Variants in CEP97 observed in about 807,000 individuals in gnomAD.
CEP97 encodes centrosomal protein 97, also known as centrosomal protein of 97 kDa.
CEP97 carries 43 observed loss-of-function variants against 73.1 expected under a neutral mutation model. That is an observed-to-expected ratio of 0.59 (90% CI 0.46 to 0.76). CEP97 has a LOEUF of 0.76. Among genes scored for constraint, CEP97 ranks in the 30% least tolerant of loss-of-function variants. The pLI is 0.00. For missense variants in CEP97, 939 were observed against 1,014.0 expected, an observed-to-expected ratio of 0.93 and a Z score of 1.00; for synonymous variants, 337 against 370.0, an observed-to-expected ratio of 0.91 and a Z score of 1.02.
chr3:101,747,663 TCTC>T (rs1938665824), intron 6 of CEP97, among the ~76,000 whole-genome samples: 1 of 151,700 alleles, frequency 6.6e-6, no homozygotes, highest in South Asian at 2.1e-4. Context: ...TTCAAGCAAT[TCTC>T]CTGCCTCTGC....
chr3:101,739,792 G>A (rs1938388675), intron 6 of CEP97, among the ~76,000 whole-genome samples: 1 of 151,874 alleles, frequency 6.6e-6, no homozygotes, highest in African/African-American at 2.4e-5. Context: ...TGTAATCCCA[G>A]TTACTCAGGA....
chr3:101,747,387 G>A (rs1390262369), intron 6 of CEP97, among the ~76,000 whole-genome samples: 1 of 150,746 alleles, frequency 6.6e-6, no homozygotes, highest in Non-Finnish European at 1.5e-5. Flanking sequence ...AGCCTCCCGA[G>A]TAGCTGGGAC....
intron 6 of CEP97, among the ~76,000 whole-genome samples, chr3:101,748,369 A>C (rs555845243): frequency 8.0e-4 from 121 of 152,136 alleles, no homozygotes; most frequent in African/African-American, 2.8e-3. Context: ...TTTTCACAAA[A>C]ACTTAAACTG....
intron 6 of CEP97, among the ~76,000 whole-genome samples, chr3:101,737,546 A>G (rs1453435308): frequency 4.6e-5 from 7 of 152,216 alleles, no homozygotes; most frequent in Non-Finnish European, 5.9e-5. Context: ...CAACATTCTT[A>G]AAGAGAAGAA....
chr3:101,739,072 G>A lies in CEP97; in HGVS notation c.728+6418G>A, dbSNP rs143676488. On this transcript the variant is annotated intron_variant, in intron 6 of 10. Coordinates refer to ENST00000341893, the MANE Select transcript of CEP97 (RefSeq NM_024548.4). The stretch of plus-strand genomic sequence containing the variant: ...ACACAAATAAACTAGAAATCTAGAA[G>A]AAATCAATACATTTCTGGACACATA... 2.8e-3 allele frequency among the ~76,000 whole-genome samples: 424 copies of A among 152,252 alleles called. 5 individuals are homozygous for A. Among genetic ancestry groups the A allele is most frequent in the Non-Finnish European group, 2.3e-3 (155 of 68,008 alleles).
chr3:101,743,120 C>T (rs1365487247), intron 6 of CEP97, among the ~76,000 whole-genome samples: 2 of 151,306 alleles, frequency 1.3e-5, no homozygotes, highest in Admixed American at 6.6e-5. Context: ...GTGGTGTGTG[C>T]CTGTAGTCCC....
rs1035526354 is a variant in CEP97 at position 101,758,315 on chromosome 3, G to A, written c.1709G>A (p.Arg570Gln). 9.9e-6 allele frequency: 16 copies of A among 1,614,198 alleles called. No individual in the cohort carries two copies. The highest frequency in any genetic ancestry group is 3.3e-5 in the Admixed American group (2 of 60,026). The change falls in exon 9 of 11, where the codon CGG (arginine) becomes CAG (glutamine). Residue 570 changes from arginine (R) to glutamine (Q), a missense_variant. By Grantham distance (43) the Arg-to-Gln change is conservative. Coordinates refer to ENST00000341893, the MANE Select transcript of CEP97 (RefSeq NM_024548.4). ...GCCACCAAGCTTCAGGCCTGTTGGC[G>A]GGGATTTTATGCCAGGAACTACAAC... ...DAATKLQACW[R>Q]GFYARNYNPQ...
Position 101,768,050 on chromosome 3 carries a change from A to C in CEP97, c.*2499A>C, listed in dbSNP as rs1391197343. On this transcript the variant is annotated 3_prime_UTR_variant, in exon 11 of 11. Transcript: ENST00000341893. ...ATGGTCTTTGTGTTTTTTTCCTAAC[A>C]AGGAAAGGTTTAGTTCAGCTGTGCT... 1 of 152,198 alleles carries C rather than the reference A, an allele frequency of 6.6e-6. No homozygotes were observed. The highest frequency in any genetic ancestry group is 1.5e-5 in the Non-Finnish European group (1 of 68,022). 9.4% of individuals were successfully genotyped at this position (152,198 alleles called of 1,614,324 possible).
At chr3:101,750,984 A>G (rs1397586588) in intron 6 of CEP97, among the ~76,000 whole-genome samples, 1 of 151,972 alleles carries the variant, frequency 6.6e-6, no homozygotes, top group Middle Eastern at 3.4e-3. Flanking sequence ...TTGCTTTTCT[A>G]GTTCTTTTAA....
rs543071884 is a variant in CEP97 at position 101,765,169 on chromosome 3, C to A, written c.2216C>A (p.Thr739Lys). Residue 739 changes from threonine (T) to lysine (K), a missense_variant, in exon 11 of 11, where the codon ACA (threonine) becomes AAA (lysine). Transcript: ENST00000341893. Reference sequence around the variant, plus strand: ...TCCATAATGGGGAATTCCATTGACACAGTCAGATATGGCAAAGAATCAGAT... The same window carrying A: ...TCCATAATGGGGAATTCCATTGACAAAGTCAGATATGGCAAAGAATCAGAT... ...ESSIMGNSID[T>K]VRYGKESDLG... The A allele has an allele frequency of 6.8e-6, 11 of 1,614,188 alleles. No homozygotes were observed. The African/African-American group carries it at 1.2e-4, about 18-fold the overall frequency.
intron 6 of CEP97, among the ~76,000 whole-genome samples, chr3:101,753,879 G>A (rs1327533486): frequency 6.6e-6 from 1 of 152,122 alleles, no homozygotes; most frequent in Non-Finnish European, 1.5e-5. Flanking sequence ...GCCTCGCCCT[G>A]CTTCGGCTTG....
At chr3:101,736,288 G>A (rs1054047099) in intron 6 of CEP97, among the ~76,000 whole-genome samples, 1 of 152,214 alleles carries the variant, frequency 6.6e-6, no homozygotes, top group Admixed American at 6.5e-5. Flanking sequence ...AGGCTTAAAT[G>A]TTCCTGCCTC....
chr3:101,742,687 A>G (rs1452958933), intron 6 of CEP97, among the ~76,000 whole-genome samples: 1 of 151,976 alleles, frequency 6.6e-6, no homozygotes, highest in Non-Finnish European at 1.5e-5. Context: ...ATACCTATGT[A>G]ATAAACCTGC....
At chr3:101,749,985 A>G (rs981211757) in intron 6 of CEP97, among the ~76,000 whole-genome samples, 12 of 151,132 alleles carry the variant, frequency 7.9e-5, no homozygotes, top group Admixed American at 3.3e-4. Context: ...GCTGTGCAGA[A>G]GCTCTTTAGT....
intron 6 of CEP97, among the ~76,000 whole-genome samples, chr3:101,736,891 C>T (rs974962991): frequency 2.0e-5 from 3 of 152,268 alleles, no homozygotes; most frequent in African/African-American, 4.8e-5. Context: ...TAACAAACTC[C>T]GTTGAGCTAA....
intron 6 of CEP97, among the ~76,000 whole-genome samples, chr3:101,740,172 A>T (rs545288399): frequency 6.6e-6 from 1 of 152,314 alleles, no homozygotes; most frequent in South Asian, 2.1e-4. Context: ...ATAGGAAGAG[A>T]GGAAGTCAAA....
At chr3:101,752,713 C>T (rs1434399112) in intron 6 of CEP97, among the ~76,000 whole-genome samples, 3 of 152,194 alleles carry the variant, frequency 2.0e-5, no homozygotes, top group African/African-American at 4.8e-5. Context: ...GCATTCTTCA[C>T]GTAGTTCTCG....
chr3:101,760,279 G>A (rs886828354), intron 9 of CEP97, among the ~76,000 whole-genome samples: 1 of 152,152 alleles, frequency 6.6e-6, no homozygotes, highest in Non-Finnish European at 1.5e-5. Flanking sequence ...AGTATGAGGT[G>A]TGAGGTAGTT....
chr3:101,752,456 G>C (rs1390372357), intron 6 of CEP97, among the ~76,000 whole-genome samples: 2 of 152,092 alleles, frequency 1.3e-5, no homozygotes, highest in East Asian at 3.8e-4. Context: ...TGCTAGATTG[G>C]GGAAGTTCTC....
Sources: allele counts gnomAD v4.1 joint callset (sites outside exome capture counted in the v4.1 genomes callset), GRCh38; gene constraint gnomAD v4.1.1; transcripts MANE v1.5; gene names NCBI Gene and HGNC (gene_info 2026-07-23, HGNC 2026-07-21).